Variants in MORN1 observed in about 807,000 individuals in gnomAD.
MORN1 encodes the protein MORN repeat containing 1, also known as MORN repeat-containing protein 1.
MORN1 carries 67 observed loss-of-function variants against 61.9 expected under a neutral mutation model. That is an observed-to-expected ratio of 1.08 (90% CI 0.89 to 1.33). MORN1 has a LOEUF of 1.33. Among genes scored for constraint, MORN1 ranks in the 40% most tolerant of loss-of-function variants. The pLI, the probability that MORN1 is intolerant of heterozygous loss-of-function variation, is 0.00. For missense variants in MORN1, 752 were observed against 691.2 expected (o/e 1.09, Z -0.99); for synonymous variants, 301 against 292.0 (o/e 1.03, Z -0.31).
rs981808016 is a variant in MORN1, at chr1:2,357,423, T to A, written c.1036+9A>T. 5.1e-6 allele frequency: 8 copies of A among 1,579,312 alleles called. No homozygotes were observed. The highest frequency in any genetic ancestry group is 6.9e-6 in the Non-Finnish European group (8 of 1,162,290). On this transcript the variant is annotated intron_variant, in intron 10 of 13. Coordinates refer to ENST00000378531, the MANE Select transcript of MORN1 (RefSeq NM_024848.3). The surrounding 1 kb of genome is among the most constrained non-coding windows in gnomAD (Gnocchi z 6.3). ...ACCCACCCCCAACTGGTTTGTGAGC[T>A]CCACTTACCAAGCAGGCCACCAGGG... is the stretch of plus-strand genomic sequence containing the variant.
chr1:2,370,664 T>G (rs1284557557), intron 8 of MORN1, among the ~76,000 whole-genome samples: 1 of 137,804 alleles, frequency 7.3e-6, no homozygotes, highest in African/African-American at 2.7e-5. Context: ...TTTTTTCATT[T>G]TTTTTTCTTC....
chr1:2,340,817 C>G (rs1318814932), intron 10 of MORN1, among the ~76,000 whole-genome samples: 6 of 152,144 alleles, frequency 3.9e-5, no homozygotes, highest in Admixed American at 3.9e-4. Context: ...GCCATACAGG[C>G]TGCCACACAG....
chr1:2,347,944 A>G (rs532696611), intron 10 of MORN1, among the ~76,000 whole-genome samples: 1 of 152,296 alleles, frequency 6.6e-6, no homozygotes, highest in East Asian at 1.9e-4. Context: ...CCTCGAGTGC[A>G]TTTTACAAAC....
intron 13 of MORN1, chr1:2,323,776 C>T (rs922525118): frequency 1.0e-6 from 1 of 985,386 alleles, no homozygotes; most frequent in African/African-American, 1.7e-5. Flanking sequence ...CTCCCCTCGG[C>T]TCCCCTTGGA....
chr1:2,326,233 G>T (rs532568035), intron 12 of MORN1: 1 of 152,326 alleles, frequency 6.6e-6, no homozygotes, highest in Non-Finnish European at 1.5e-5. Context: ...ACTTCATTTC[G>T]AGTGGGGAGA....
intron 10 of MORN1, among the ~76,000 whole-genome samples, chr1:2,349,800 T>C (rs982018639): frequency 1.3e-5 from 2 of 152,104 alleles, no homozygotes; most frequent in Non-Finnish European, 2.9e-5. Context: ...ATAGATCCCA[T>C]CTGATGAATA....
chr1:2,385,390 C>A lies in MORN1; in HGVS notation c.450-325G>T, dbSNP rs549775301. On this transcript the variant is annotated intron_variant, in intron 5 of 13. Transcript: ENST00000378531. ...CACAGCCAGTGAGGCTGAGACTCCG[C>A]CGTGGGAATTTCCACACGGGCTGAA... 529 of 446,266 alleles carry A rather than the reference C, an allele frequency of 1.2e-3. 7 individuals are homozygous for A. Among genetic ancestry groups the A allele is most frequent in the Non-Finnish European group, 4.0e-4 (98 of 246,198 alleles). The allele number at this position is 446,266 out of a possible 1,614,324, so 27.6% of individuals were successfully genotyped here.
At chr1:2,330,438 G>T (rs1046408879) in intron 12 of MORN1, among the ~76,000 whole-genome samples, 24 of 152,160 alleles carry the variant, frequency 1.6e-4, no homozygotes, top group African/African-American at 5.6e-4. Flanking sequence ...CAGGTGAGGA[G>T]CCCAGGTGCT....
At chr1:2,373,885 C>T (rs1232319019) in intron 7 of MORN1, among the ~76,000 whole-genome samples, 3 of 152,240 alleles carry the variant, frequency 2.0e-5, no homozygotes, top group Non-Finnish European at 2.9e-5. Flanking sequence ...GTGGGGCTGC[C>T]TGGGCTGAGA....
At chr1:2,344,035 C>T (rs568734891) in intron 10 of MORN1, among the ~76,000 whole-genome samples, 17 of 152,158 alleles carry the variant, frequency 1.1e-4, no homozygotes, top group South Asian at 6.2e-4. Context: ...ACCTCCTTCC[C>T]GGCCATCGGC....
intron 7 of MORN1, among the ~76,000 whole-genome samples, chr1:2,374,139 G>C (rs1642183032): frequency 6.6e-6 from 1 of 152,176 alleles, no homozygotes; most frequent in Non-Finnish European, 1.5e-5. Context: ...CCTTCTGTGA[G>C]CCGAGGCCAC....
intron 10 of MORN1, chr1:2,351,998 AC>A (rs1269227863): frequency 3.0e-5 from 15 of 500,850 alleles, no homozygotes; most frequent in Middle Eastern, 3.2e-4. Context: ...CAGGAATGAG[AC>A]CCCCTCCACC....
chr1:2,330,819 G>T (rs929964705), intron 12 of MORN1, among the ~76,000 whole-genome samples: 1 of 152,196 alleles, frequency 6.6e-6, no homozygotes, highest in Non-Finnish European at 1.5e-5. Context: ...AGCATGGAAT[G>T]AGGATTTCTG....
intron 12 of MORN1, chr1:2,326,506 G>A (rs765618490): frequency 4.6e-5 from 7 of 152,248 alleles, no homozygotes; most frequent in Non-Finnish European, 1.0e-4. Flanking sequence ...CCCCACAGAC[G>A]GCGAGCAGGC....
chr1:2,389,932 C>CCT lies in MORN1; in HGVS notation c.139_140dup (p.Lys48GlyfsTer172). The CCT allele has an allele frequency of 6.2e-7, 1 of 1,614,080 alleles. No homozygotes were observed. ...ACCACAGATGCTTCTCACCGTGCTT[C>CCT]CTCCCTGCTTTCCATTCTCCTTCAT... On this transcript the variant is annotated frameshift_variant, in exon 2 of 14. Transcript: ENST00000378531. LOFTEE classifies it high-confidence loss of function.
At chr1:2,335,871 CAG>C (rs1215720069) in intron 12 of MORN1, among the ~76,000 whole-genome samples, 1 of 151,764 alleles carries the variant, frequency 6.6e-6, no homozygotes, top group Non-Finnish European at 1.5e-5. Flanking sequence ...AATTTGTAGA[CAG>C]AGTCCCGATT....
chr1:2,335,323 C>T (rs535803583), intron 12 of MORN1, among the ~76,000 whole-genome samples: 19 of 152,328 alleles, frequency 1.2e-4, no homozygotes, highest in South Asian at 4.1e-4. Flanking sequence ...GCCCCACCCC[C>T]GGCGGAAGCA....
In MORN1 at chr1:2,322,914, C is replaced by T. The variant is rs985595145; in HGVS notation, c.1297+1183G>A. The T allele has an allele frequency of 2.5e-5, 25 of 985,304 alleles. No homozygotes were observed. The African/African-American group carries it at 3.1e-4, about 12-fold the overall frequency. The allele number at this position is 985,304 out of a possible 1,614,324, so 61.0% of individuals were successfully genotyped here. On this transcript the variant is annotated intron_variant, in intron 13 of 13. Transcript: ENST00000378531. Reference sequence around the variant, plus strand: ...GGCCACCGTGCGGCAGGCCGGGCCTCGACGGCCACGTGATCTAGCCCTGGG... The same window carrying T: ...GGCCACCGTGCGGCAGGCCGGGCCTTGACGGCCACGTGATCTAGCCCTGGG...
chr1:2,333,551 C>G (rs1185557637), intron 12 of MORN1, among the ~76,000 whole-genome samples: 1 of 152,198 alleles, frequency 6.6e-6, no homozygotes, highest in Non-Finnish European at 1.5e-5. Context: ...AGGGAGGTCT[C>G]GGACCTCAGG....
Sources: allele counts gnomAD v4.1 joint callset (sites outside exome capture counted in the v4.1 genomes callset), GRCh38; gene constraint gnomAD v4.1.1; non-coding constraint Gnocchi (gnomAD v3.1); transcripts MANE v1.5; gene names NCBI Gene and HGNC (gene_info 2026-07-23, HGNC 2026-07-21).